PRKG1: variants seen among roughly 807,000 people sequenced by gnomAD.
PRKG1 encodes the protein cGMP-dependent protein kinase 1.
Under a neutral mutation model 88.1 loss-of-function variants are expected in PRKG1, and 35 were observed. The ratio of observed to expected loss-of-function variants is 0.40; its 90% CI spans 0.30 to 0.53. The LOEUF is 0.53. Among genes scored for constraint, PRKG1 ranks in the 20% least tolerant of loss-of-function variants. The pLI is 0.59. For synonymous variants in PRKG1, 303 were observed against 292.5 expected (o/e 1.04, Z -0.37); for missense variants, 540 against 839.8 (o/e 0.64, Z 4.41).
In PRKG1 at chr10:51,652,505, A is replaced by C. The variant is rs12244746; in HGVS notation, c.593-152080A>C. On this transcript the variant is annotated intron_variant, in intron 3 of 17. Coordinates refer to ENST00000373980, the MANE Select transcript of PRKG1 (RefSeq NM_006258.4). ...TACCAGATACTTTGGAGGGAACATC[A>C]AGAAAGAACTTTTCCAGAGCTCCTA... Among the ~76,000 whole-genome samples the C allele has an allele frequency of 7.3e-3, 1,115 of 152,180 alleles. 16 individuals are homozygous for C. The highest frequency in any genetic ancestry group is 0.026 in the African/African-American group (1,061 of 41,540).
At chr10:52,197,543 G>A (rs1043199177) in intron 9 of PRKG1, among the ~76,000 whole-genome samples, 1 of 152,276 alleles carries the variant, frequency 6.6e-6, no homozygotes, top group African/African-American at 2.4e-5. Flanking sequence ...ACCATAAAAC[G>A]GAGACACTGA....
chr10:51,500,115 T>G (rs1840979170), intron 3 of PRKG1, among the ~76,000 whole-genome samples: 1 of 152,248 alleles, frequency 6.6e-6, no homozygotes, highest in Non-Finnish European at 1.5e-5. Context: ...AAAGTGTTTT[T>G]TATTGTTCTA....
At chr10:51,260,763 A>G (rs531986470) in intron 2 of PRKG1, among the ~76,000 whole-genome samples, 6 of 152,370 alleles carry the variant, frequency 3.9e-5, no homozygotes, top group African/African-American at 1.4e-4. Context: ...CTGTATAAGT[A>G]CCGACAATTT....
chr10:51,221,333 G>A (rs1838522961), intron 2 of PRKG1, among the ~76,000 whole-genome samples: 1 of 151,920 alleles, frequency 6.6e-6, no homozygotes, highest in African/African-American at 2.4e-5. Context: ...ACTAAAGGGA[G>A]TTTAAATTAT....
At chr10:52,112,821 G>C (rs772429363) in intron 7 of PRKG1, among the ~76,000 whole-genome samples, 23 of 152,082 alleles carry the variant, frequency 1.5e-4, no homozygotes, top group Non-Finnish European at 2.2e-4. Context: ...TGATAAGCTT[G>C]GAGTACAAAA....
intron 9 of PRKG1, among the ~76,000 whole-genome samples, chr10:52,244,680 TATATTAA>T (rs1840958722): frequency 7.4e-6 from 1 of 135,588 alleles, no homozygotes; most frequent in South Asian, 2.4e-4. Context: ...TTTATTATTA[TATATTAA>T]ATAATATATT....
chr10:51,550,486 T>G (rs1337288806), intron 3 of PRKG1, among the ~76,000 whole-genome samples: 1 of 152,048 alleles, frequency 6.6e-6, no homozygotes, highest in Non-Finnish European at 1.5e-5. Flanking sequence ...GTGCTTATGG[T>G]CATTATTTAT....
intron 5 of PRKG1, among the ~76,000 whole-genome samples, chr10:51,977,394 A>G (rs1447132595): frequency 1.3e-5 from 2 of 151,944 alleles, no homozygotes; most frequent in Admixed American, 6.6e-5. Context: ...GATTGATTCC[A>G]TGTCTTTGCT....
At chr10:51,819,111 C>G (rs984502520) in intron 4 of PRKG1, among the ~76,000 whole-genome samples, 2 of 144,064 alleles carry the variant, frequency 1.4e-5, no homozygotes, top group African/African-American at 5.1e-5. Context: ...CCAGGCTGTA[C>G]AAGAAGCATG....
intron 4 of PRKG1, among the ~76,000 whole-genome samples, chr10:51,822,085 G>GTA (rs1010086852): frequency 5.9e-5 from 9 of 151,494 alleles, no homozygotes; most frequent in Admixed American, 3.3e-4. Context: ...TAAAGAATAT[G>GTA]TATATATATA....
intron 2 of PRKG1, among the ~76,000 whole-genome samples, chr10:51,310,390 T>C (rs1010498724): frequency 5.3e-5 from 8 of 152,162 alleles, no homozygotes; most frequent in East Asian, 1.9e-4. Flanking sequence ...ATGGAGGATA[T>C]AGACATGAAT....
At chr10:51,915,736 C>T (rs756603325) in intron 5 of PRKG1, among the ~76,000 whole-genome samples, 2 of 152,036 alleles carry the variant, frequency 1.3e-5, no homozygotes, top group Non-Finnish European at 2.9e-5. Context: ...ATAATTTTTA[C>T]AAGACACTTA....
At chr10:51,241,622 TA>T (rs753553606) in intron 2 of PRKG1, among the ~76,000 whole-genome samples, 1 of 152,134 alleles carries the variant, frequency 6.6e-6, no homozygotes, top group Non-Finnish European at 1.5e-5. Context: ...CCCAAACCTA[TA>T]AAGTGACAGC....
At chr10:51,958,909 A>G (rs1191233511) in intron 5 of PRKG1, among the ~76,000 whole-genome samples, 13 of 152,156 alleles carry the variant, frequency 8.5e-5, no homozygotes, top group Admixed American at 8.5e-4. Context: ...TTTACAGATG[A>G]CTATGTTAAA....
At chr10:52,096,587 C>A (rs914314541) in intron 7 of PRKG1, among the ~76,000 whole-genome samples, 1 of 152,162 alleles carries the variant, frequency 6.6e-6, no homozygotes, top group Non-Finnish European at 1.5e-5. Flanking sequence ...ACACTAGCTT[C>A]TTCCTTTAAG....
chr10:51,541,745 C>A (rs1490854493), intron 3 of PRKG1, among the ~76,000 whole-genome samples: 1 of 151,474 alleles, frequency 6.6e-6, no homozygotes, highest in Non-Finnish European at 1.5e-5. Context: ...GAAAAAAAAA[C>A]AAACTATTTT....
At chr10:51,526,065 C>T (rs1841876592) in intron 3 of PRKG1, among the ~76,000 whole-genome samples, 2 of 152,182 alleles carry the variant, frequency 1.3e-5, no homozygotes, top group Admixed American at 1.3e-4. Flanking sequence ...GATGATCTAC[C>T]TGCCTTGGCC....
chr10:51,123,134 C>T (rs1845305381), intron 1 of PRKG1, among the ~76,000 whole-genome samples: 1 of 152,174 alleles, frequency 6.6e-6, no homozygotes, highest in Admixed American at 6.5e-5. Context: ...ATGAATAATA[C>T]ACCAAACTTG....
chr10:51,227,341 G>A (rs1275436879), intron 2 of PRKG1, among the ~76,000 whole-genome samples: 1 of 151,986 alleles, frequency 6.6e-6, no homozygotes, highest in African/African-American at 2.4e-5. Flanking sequence ...TCTTCCCTAG[G>A]TGAAGGACAT....
Sources: gnomAD v4.1 joint callset for allele counts (sites outside exome capture counted in the v4.1 genomes callset) on GRCh38, gnomAD v4.1.1 for gene constraint, MANE v1.5 for transcripts, NCBI Gene and HGNC (gene_info 2026-07-23, HGNC 2026-07-21) for gene names.